Variants in RBFOX1 observed in about 807,000 individuals in gnomAD.
The protein encoded by RBFOX1 is RNA binding fox-1 homolog 1.
RBFOX1 carries 8 observed loss-of-function variants against 57.7 expected under a neutral mutation model. The observed-to-expected ratio is 0.14, with a 90% CI of 0.08 to 0.25. The LOEUF is 0.25. Ranked by LOEUF, RBFOX1 falls within the 10% of genes least tolerant of loss-of-function variation. RBFOX1 has a pLI of 1.00. For synonymous variants in RBFOX1, 326 were observed against 222.4 expected, an observed-to-expected ratio of 1.47 and a Z score of -4.15; for missense variants, 611 against 548.5, an observed-to-expected ratio of 1.11 and a Z score of -1.14.
chr16:7,062,892 CATTTTTTTTTTTTTTTT>C (rs1194900701), intron 4 of RBFOX1, among the ~76,000 whole-genome samples: 11 of 59,932 alleles, frequency 1.8e-4, no homozygotes, highest in African/African-American at 5.9e-4. Flanking sequence ...AAATGATCGC[CATTTTTTTTTTTTTTTT>C]TTTTTTTTTT....
chr16:7,531,705 C>T (rs1474736658), intron 5 of RBFOX1, among the ~76,000 whole-genome samples: 1 of 152,138 alleles, frequency 6.6e-6, no homozygotes, highest in African/African-American at 2.4e-5. Flanking sequence ...TAAACATAGG[C>T]CTGGCAGATT....
chr16:7,295,211 C>T, intron 4 of RBFOX1, among the ~76,000 whole-genome samples: 1 of 152,044 alleles, frequency 6.6e-6, no homozygotes, highest in Non-Finnish European at 1.5e-5. Context: ...CTCAGAAGAC[C>T]AGGGCAGAAA....
At chr16:7,524,532 T>C (rs2078242642) in intron 5 of RBFOX1, among the ~76,000 whole-genome samples, 1 of 152,216 alleles carries the variant, frequency 6.6e-6, no homozygotes. Flanking sequence ...GAATTCTCCA[T>C]GTATCTCCAA....
chr16:7,052,124 T>C, intron 4 of RBFOX1, 26 bp downstream of exon 4: 1 of 1,587,006 alleles, frequency 6.3e-7, no homozygotes. Flanking sequence ...TGTAAAATGC[T>C]TCCTGATTCT....
intron 3 of RBFOX1, among the ~76,000 whole-genome samples, chr16:6,927,711 C>G (rs1378324810): frequency 7.0e-6 from 1 of 142,670 alleles, no homozygotes. Flanking sequence ...GGCACTGTAG[C>G]AAGGCTGATT....
At chr16:5,698,972 C>A (rs1370186027) in intron 3 of RBFOX1, among the ~76,000 whole-genome samples, 1 of 144,210 alleles carries the variant, frequency 6.9e-6, no homozygotes, top group East Asian at 2.1e-4. Context: ...TTATAAACAG[C>A]ACCTGGTTGG....
rs575207197 is a variant in RBFOX1 at position 7,178,237 on chromosome 16, A to G, written c.27+126139A>G. 1.4e-4 allele frequency among the ~76,000 whole-genome samples: 21 copies of G among 152,372 alleles called. No individual in the cohort carries two copies. The South Asian group carries it at 1.4e-3, about 11-fold the overall frequency. On this transcript the variant is annotated intron_variant, in intron 4 of 15. Transcript: ENST00000550418. ...CTCCACACAGTGACCTAGTGATTCAATTTGTCAGAGGCACTATCAGCCTGT... is the reference window on the plus strand; with the variant it reads ...CTCCACACAGTGACCTAGTGATTCAGTTTGTCAGAGGCACTATCAGCCTGT...
At chr16:7,043,082 C>G (rs1026751551) in intron 3 of RBFOX1, among the ~76,000 whole-genome samples, 2 of 112,506 alleles carry the variant, frequency 1.8e-5, no homozygotes, top group Admixed American at 9.0e-5. Flanking sequence ...TTTGACTGTG[C>G]CATTCACGGT....
chr16:6,939,905 A>G (rs546877447), intron 3 of RBFOX1, among the ~76,000 whole-genome samples: 17 of 152,318 alleles, frequency 1.1e-4, no homozygotes, highest in Non-Finnish European at 2.1e-4. Flanking sequence ...TTCACTCCAT[A>G]AATGCATAAT....
chr16:6,814,558 T>C (rs994537355), intron 3 of RBFOX1, among the ~76,000 whole-genome samples: 1 of 152,044 alleles, frequency 6.6e-6, no homozygotes, highest in Non-Finnish European at 1.5e-5. Context: ...TGAAGGGAAG[T>C]TACACTGATG....
intron 2 of RBFOX1, among the ~76,000 whole-genome samples, chr16:6,652,616 T>C (rs1258229579): frequency 6.6e-6 from 1 of 152,154 alleles, no homozygotes; most frequent in East Asian, 1.9e-4. Context: ...CCTGTAGAAC[T>C]CTAAGAAAAT....
At chr16:7,460,035 A>G (rs2150488010) in intron 4 of RBFOX1, among the ~76,000 whole-genome samples, 1 of 152,304 alleles carries the variant, frequency 6.6e-6, no homozygotes, top group Middle Eastern at 3.4e-3. Flanking sequence ...AATGTTAGCA[A>G]GAATTCAAGG....
At chr16:7,561,149 A>G (rs2152678413) in intron 5 of RBFOX1, among the ~76,000 whole-genome samples, 2 of 152,314 alleles carry the variant, frequency 1.3e-5, no homozygotes, top group South Asian at 4.1e-4. Flanking sequence ...TTGTCCCTCT[A>G]AGAACCAACA....
chr16:5,904,460 C>T lies in RBFOX1; in HGVS notation c.351+37125C>T, dbSNP rs60213476. On this transcript the variant is annotated intron_variant, in intron 4 of 19. Transcript: ENST00000641259. Reference sequence around the variant, plus strand: ...GGGCAGGAAATATGGGGAACCTCCTCGCTAAAAGCCTCTGAGAGAGAAAAA... The same window carrying T: ...GGGCAGGAAATATGGGGAACCTCCTTGCTAAAAGCCTCTGAGAGAGAAAAA... Among the ~76,000 whole-genome samples the T allele has an allele frequency of 5.4e-3, 813 of 151,844 alleles. 8 individuals are homozygous for T. Among genetic ancestry groups the T allele is most frequent in the African/African-American group, 0.018 (746 of 41,402 alleles).
chr16:5,634,103 T>C (rs2048607033), intron 3 of RBFOX1, among the ~76,000 whole-genome samples: 1 of 152,198 alleles, frequency 6.6e-6, no homozygotes, highest in Admixed American at 6.5e-5. Context: ...AAATGATCCT[T>C]ACCCTTTACC....
intron 3 of RBFOX1, among the ~76,000 whole-genome samples, chr16:6,693,560 C>G (rs1353377006): frequency 1.3e-5 from 2 of 151,320 alleles, no homozygotes; most frequent in African/African-American, 4.9e-5. Flanking sequence ...TCCTCCACTG[C>G]CATCACCACC....
Position 6,184,726 on chromosome 16 carries a change from A to T in RBFOX1, c.-126-132269A>T, listed in dbSNP as rs1446170458. On this transcript the variant is annotated intron_variant, in intron 1 of 15. Transcript: ENST00000550418. ...AGGTGGCTGCCACCATGCCTGGCTC[A>T]TTTTTTTTTTTTTTGTATTTTTAGT... is the stretch of plus-strand genomic sequence containing the variant. Among the ~76,000 whole-genome samples the T allele has an allele frequency of 2.7e-4, 39 of 145,852 alleles. No individual in the cohort carries two copies. In the East Asian group the frequency reaches 5.9e-3, roughly 22 times the overall value.
intron 1 of RBFOX1, among the ~76,000 whole-genome samples, chr16:6,289,173 G>T (rs578026454): frequency 6.6e-6 from 1 of 152,164 alleles, no homozygotes; most frequent in African/African-American, 2.4e-5. Context: ...AAATCACACC[G>T]TGGAACAGTC....
chr16:7,209,172 T>C (rs1252739467), intron 4 of RBFOX1, among the ~76,000 whole-genome samples: 1 of 146,914 alleles, frequency 6.8e-6, no homozygotes, highest in Non-Finnish European at 1.5e-5. Flanking sequence ...ATAATAATAA[T>C]AATAATAATA....
Sources: gnomAD v4.1 joint callset for allele counts (sites outside exome capture counted in the v4.1 genomes callset) on GRCh38, gnomAD v4.1.1 for gene constraint, MANE v1.5 for transcripts, NCBI Gene and HGNC (gene_info 2026-07-23, HGNC 2026-07-21) for gene names.